SIPA1L3: variants seen among roughly 807,000 people sequenced by gnomAD.
SIPA1L3 encodes signal induced proliferation associated 1 like 3, also known as signal-induced proliferation-associated 1-like protein 3.
In SIPA1L3, 59 loss-of-function variants were observed where a neutral mutation model predicts 150.1. The ratio of observed to expected loss-of-function variants is 0.39; its 90% confidence interval spans 0.32 to 0.49. SIPA1L3 has a LOEUF of 0.49. Ranked by LOEUF, SIPA1L3 falls within the 20% of genes least tolerant of loss-of-function variation. SIPA1L3 has a pLI of 0.86. For missense variants in SIPA1L3, 2,211 were observed against 2,489.5 expected, an observed-to-expected ratio of 0.89 and a Z score of 2.38; for synonymous variants, 1,070 against 1,077.6, an observed-to-expected ratio of 0.99 and a Z score of 0.14.
chr19:37,918,408 C>T (rs113044044), intron 1 of SIPA1L3, among the ~76,000 whole-genome samples: 4,117 of 151,822 alleles, frequency 0.027, 100 homozygotes, highest in East Asian at 0.07. Flanking sequence ...TACAGGTGCG[C>T]GCCACCACAC....
rs192771904 is a variant in SIPA1L3 at position 38,111,216 on chromosome 19, G to A, written c.2291+832G>A. 1.2e-3 allele frequency among the ~76,000 whole-genome samples: 180 copies of A among 151,842 alleles called. 1 individual carries two copies. Among genetic ancestry groups the A allele is most frequent in the Non-Finnish European group, 2.1e-3 (145 of 67,934 alleles). ...ATTAAAAAAAAATTTTTTTTTAGTA[G>A]AGATGGGGTCTCTCTGTTTTACCCA... On this transcript the variant is annotated intron_variant, in intron 8 of 21. Coordinates refer to ENST00000222345, the MANE Select transcript of SIPA1L3 (RefSeq NM_015073.3).
chr19:38,073,372 G>A (rs1969764002), intron 2 of SIPA1L3, among the ~76,000 whole-genome samples: 1 of 152,180 alleles, frequency 6.6e-6, no homozygotes, highest in Non-Finnish European at 1.5e-5. Flanking sequence ...CTGGCCTCCT[G>A]GTGACATGAG....
intron 15 of SIPA1L3, among the ~76,000 whole-genome samples, chr19:38,167,027 G>A (rs376988815): frequency 5.3e-5 from 8 of 152,174 alleles, no homozygotes; most frequent in African/African-American, 1.9e-4. Context: ...AAGGTCAAGA[G>A]CTCGAGACCG....
At chr19:38,020,723 C>T (rs1480673240) in intron 1 of SIPA1L3, among the ~76,000 whole-genome samples, 4 of 152,184 alleles carry the variant, frequency 2.6e-5, no homozygotes, top group East Asian at 1.9e-4. Context: ...TTAATTCGGG[C>T]ACCAGGTCAT....
chr19:38,169,548 C>T (rs1972281807), intron 15 of SIPA1L3, among the ~76,000 whole-genome samples: 1 of 152,234 alleles, frequency 6.6e-6, no homozygotes, highest in Non-Finnish European at 1.5e-5. Flanking sequence ...GGATAAACCA[C>T]ATACCTACAT....
intron 1 of SIPA1L3, among the ~76,000 whole-genome samples, chr19:37,966,414 G>A (rs1285835292): frequency 6.6e-6 from 1 of 152,142 alleles, no homozygotes; most frequent in Non-Finnish European, 1.5e-5. Context: ...GAGAGCTACT[G>A]GGCCTCAGTT....
chr19:38,085,544 T>C (rs1970108911), intron 3 of SIPA1L3, among the ~76,000 whole-genome samples: 1 of 148,890 alleles, frequency 6.7e-6, no homozygotes, highest in African/African-American at 2.5e-5. Flanking sequence ...AATGAGGCAA[T>C]GTCAGTATCA....
chr19:38,115,214 G>A (rs571578061), intron 8 of SIPA1L3, among the ~76,000 whole-genome samples: 1 of 152,298 alleles, frequency 6.6e-6, no homozygotes, highest in South Asian at 2.1e-4. Flanking sequence ...CGGCCCAACA[G>A]GAGCAGTAGC....
intron 1 of SIPA1L3, among the ~76,000 whole-genome samples, chr19:37,927,559 T>TGTGTAC (rs2046515288): frequency 6.9e-6 from 1 of 145,588 alleles, no homozygotes; most frequent in Admixed American, 6.9e-5. Flanking sequence ...TGTGTGTGTG[T>TGTGTAC]GTACGTACCC....
chr19:37,929,082 T>A (rs932390865), intron 1 of SIPA1L3, among the ~76,000 whole-genome samples: 2 of 152,206 alleles, frequency 1.3e-5, no homozygotes, highest in African/African-American at 4.8e-5. Context: ...TTTCATTGAT[T>A]CCCTGCCTCC....
At chr19:38,167,010 G>A (rs542852252) in intron 15 of SIPA1L3, among the ~76,000 whole-genome samples, 55 of 152,078 alleles carry the variant, frequency 3.6e-4, no homozygotes, top group African/African-American at 1.3e-3. Flanking sequence ...CAAGGCAAGC[G>A]GATCACAAGG....
intron 13 of SIPA1L3, among the ~76,000 whole-genome samples, chr19:38,159,689 C>A (rs1335082950): frequency 1.3e-5 from 2 of 152,256 alleles, no homozygotes; most frequent in Non-Finnish European, 2.9e-5. Context: ...ACTGTGCGAC[C>A]TTGGACCAGC....
chr19:37,954,748 A>G (rs762793697), intron 1 of SIPA1L3, among the ~76,000 whole-genome samples: 1 of 152,152 alleles, frequency 6.6e-6, no homozygotes, highest in Non-Finnish European at 1.5e-5. Flanking sequence ...CACCGCCTGT[A>G]TGTGTGTATA....
At chr19:38,023,160 C>T (rs1968417499) in intron 1 of SIPA1L3, among the ~76,000 whole-genome samples, 1 of 152,180 alleles carries the variant, frequency 6.6e-6, no homozygotes, top group African/African-American at 2.4e-5. Context: ...GGAGGCAGGA[C>T]CACCGTGGGG....
intron 1 of SIPA1L3, among the ~76,000 whole-genome samples, chr19:37,959,366 GACTACAACATGGAT>G (rs1489633319): frequency 6.6e-6 from 1 of 152,200 alleles, no homozygotes; most frequent in Non-Finnish European, 1.5e-5. Context: ...TACTGATACA[GACTACAACATGGAT>G]GAACCCTGAA....
intron 1 of SIPA1L3, among the ~76,000 whole-genome samples, chr19:37,968,977 G>A (rs567475884): frequency 3.3e-5 from 5 of 152,344 alleles, no homozygotes; most frequent in African/African-American, 9.6e-5. Flanking sequence ...CATCTGGATT[G>A]CAAATGAAAA....
intron 15 of SIPA1L3, among the ~76,000 whole-genome samples, chr19:38,175,960 C>T (rs992459705): frequency 6.6e-6 from 1 of 152,146 alleles, no homozygotes; most frequent in Non-Finnish European, 1.5e-5. Flanking sequence ...GTAATCCCAG[C>T]ACTTTGGGAG....
At chr19:37,939,539 A>C (rs1207371567) in intron 1 of SIPA1L3, among the ~76,000 whole-genome samples, 1 of 152,096 alleles carries the variant, frequency 6.6e-6, no homozygotes, top group Non-Finnish European at 1.5e-5. Flanking sequence ...CTGTGTTCTC[A>C]TCAGGGACCC....
intron 15 of SIPA1L3, among the ~76,000 whole-genome samples, chr19:38,165,836 C>T (rs1268462833): frequency 2.0e-5 from 3 of 152,314 alleles, no homozygotes; most frequent in South Asian, 4.1e-4. Context: ...GTCTCAGGCT[C>T]ACTGCACCCT....
Sources: allele counts gnomAD v4.1 joint callset (sites outside exome capture counted in the v4.1 genomes callset), GRCh38; gene constraint gnomAD v4.1.1; transcripts MANE v1.5; gene names NCBI Gene and HGNC (gene_info 2026-07-23, HGNC 2026-07-21).